The following LRBA variants were observed in gnomAD, a reference collection of about 807,000 sequenced individuals.
The protein encoded by LRBA is LPS responsive beige-like anchor protein.
LRBA carries 176 observed loss-of-function variants against 330.0 expected under a neutral mutation model. The ratio of observed to expected loss-of-function variants is 0.53; its 90% CI spans 0.47 to 0.60. The LOEUF (loss-of-function observed/expected upper bound fraction) is 0.60, where lower values mean the gene tolerates loss of function less well. Ranked by LOEUF, LRBA falls within the 20% of genes least tolerant of loss-of-function variation. LRBA has a pLI of 0.00. For missense variants in LRBA, 3,259 were observed against 3,444.8 expected (o/e 0.95, Z 1.35); for synonymous variants, 1,230 against 1,193.0 (o/e 1.03, Z -0.64).
At chr4:150,707,113 A>G (rs1358015711) in intron 36 of LRBA, among the ~76,000 whole-genome samples, 1 of 151,764 alleles carries the variant, frequency 6.6e-6, no homozygotes, top group African/African-American at 2.4e-5. Flanking sequence ...ATATGCATAA[A>G]GAAACCCTGA....
rs373910038 is a variant in LRBA at position 150,767,756 on chromosome 4, CAAAAAAAA to C, written c.5581-5917_5581-5910del. On this transcript the variant is annotated intron_variant, in intron 34 of 56. Transcript: ENST00000651943. The stretch of plus-strand genomic sequence containing the variant: ...CTGGGCAACAGAGCGAGACTTGTTG[CAAAAAAAA>C]AAAAAAAAAAAAAATTTGGCCAGGC... Among the ~76,000 whole-genome samples, 7 of 118,804 alleles carry C rather than the reference CAAAAAAAA, an allele frequency of 5.9e-5. No homozygotes were observed. The South Asian group carries it at 1.2e-3, about 20-fold the overall frequency. 77.9% of individuals were successfully genotyped at this position (118,804 alleles called of 152,430 possible).
At chr4:150,745,300 T>C (rs1009657234) in intron 35 of LRBA, among the ~76,000 whole-genome samples, 3 of 152,088 alleles carry the variant, frequency 2.0e-5, no homozygotes, top group African/African-American at 7.2e-5. Flanking sequence ...TGTTATAAAA[T>C]AAGCAATACA....
intron 50 of LRBA, among the ~76,000 whole-genome samples, chr4:150,320,418 T>C (rs992004345): frequency 2.0e-5 from 2 of 101,754 alleles, no homozygotes; most frequent in African/African-American, 6.0e-5. Context: ...AATTTAAGTG[T>C]TCTTTTTTTT....
chr4:150,837,040 A>G (rs1748214668), intron 28 of LRBA, among the ~76,000 whole-genome samples: 2 of 152,038 alleles, frequency 1.3e-5, no homozygotes, highest in Non-Finnish European at 1.5e-5. Context: ...TTCTGCCTTC[A>G]TTTTGTTATG....
chr4:150,914,376 AC>A, intron 8 of LRBA, 35 bp from the exon 9 acceptor site: 1 of 1,428,072 alleles, frequency 7.0e-7, no homozygotes, highest in African/African-American at 1.4e-5. Flanking sequence ...TTAGGAAAAA[AC>A]AAAAAAAAAC....
At chr4:150,848,328 C>T (rs182831872) in intron 26 of LRBA, among the ~76,000 whole-genome samples, 14 of 152,154 alleles carry the variant, frequency 9.2e-5, no homozygotes, top group Admixed American at 9.2e-4. Flanking sequence ...CCTATATAAT[C>T]TAATCTGCAT....
chr4:150,505,828 C>T lies in LRBA; in HGVS notation c.6331-14793G>A, dbSNP rs565493235. On this transcript the variant is annotated intron_variant, in intron 40 of 56. Transcript: ENST00000651943. ...GAAAAGATCAACAAAATTATTAGAC[C>T]ACTAGCAAGAATAACAAGAAAAGAG... 5.3e-5 allele frequency among the ~76,000 whole-genome samples: 8 copies of T among 151,954 alleles called. No individual in the cohort carries two copies. In the East Asian group the frequency reaches 7.7e-4, roughly 15 times the overall value.
intron 36 of LRBA, among the ~76,000 whole-genome samples, chr4:150,710,720 T>G (rs374938956): frequency 6.6e-6 from 1 of 152,082 alleles, no homozygotes; most frequent in Non-Finnish European, 1.5e-5. Flanking sequence ...GTGAATTACT[T>G]TGACCCTAAA....
At chr4:150,718,162 T>G (rs976492297) in intron 36 of LRBA, among the ~76,000 whole-genome samples, 2 of 152,116 alleles carry the variant, frequency 1.3e-5, no homozygotes, top group African/African-American at 2.4e-5. Context: ...AATGATGTCA[T>G]GACATTCATG....
At chr4:150,984,809 G>A (rs115544157) in intron 2 of LRBA, among the ~76,000 whole-genome samples, 65 of 152,050 alleles carry the variant, frequency 4.3e-4, no homozygotes, top group African/African-American at 1.4e-3. Flanking sequence ...GAAAGGCTGA[G>A]GTAGCAAAGG....
At chr4:150,508,519 C>A (rs1387898995) in intron 40 of LRBA, among the ~76,000 whole-genome samples, 3 of 152,112 alleles carry the variant, frequency 2.0e-5, no homozygotes, top group Non-Finnish European at 2.9e-5. Flanking sequence ...GAACTCCTGA[C>A]CTCAAATGAT....
chr4:150,583,375 T>C lies in LRBA; in HGVS notation c.6330+4673A>G. On this transcript the variant is annotated intron_variant, in intron 40 of 56. Coordinates refer to ENST00000651943, the MANE Select transcript of LRBA (RefSeq NM_001364905.1). The surrounding 1 kb of genome is among the most constrained non-coding windows in gnomAD (Gnocchi z 9.8). ...GCGGAGCATGTCTCTCTGGGTCGAG[T>C]TCATCACGGCGTCGGGCTATCTCTC... 2 of 1,613,980 alleles carry C rather than the reference T, an allele frequency of 1.2e-6. No individual in the cohort carries two copies. The highest frequency in any genetic ancestry group is 1.7e-6 in the Non-Finnish European group (2 of 1,179,996).
Position 150,638,904 on chromosome 4 carries a change from G to A in LRBA, c.5922-39773C>T, listed in dbSNP as rs375593268. Among the ~76,000 whole-genome samples the A allele has an allele frequency of 2.5e-4, 25 of 101,676 alleles. No individual in the cohort carries two copies. In the East Asian group the frequency reaches 5.0e-3, roughly 20 times the overall value. The allele number at this position is 101,676 out of a possible 152,430, so 66.7% of individuals were successfully genotyped here. On this transcript the variant is annotated intron_variant, in intron 37 of 56. Transcript: ENST00000651943. ...TGCTGCTATAAAGACACATGCACAC[G>A]TATGTTTATTGCGGCATTATTCACA...
At chr4:150,403,859 G>A (rs775482124) in intron 47 of LRBA, among the ~76,000 whole-genome samples, 6 of 151,728 alleles carry the variant, frequency 4.0e-5, no homozygotes, top group African/African-American at 4.8e-5. Context: ...GGTGAAACCC[G>A]GTCTCTACTA....
chr4:150,485,904 A>G (rs1757817473), intron 42 of LRBA, among the ~76,000 whole-genome samples: 1 of 151,922 alleles, frequency 6.6e-6, no homozygotes, highest in Non-Finnish European at 1.5e-5. Flanking sequence ...TTATATTTAA[A>G]TGGGGCTTCT....
intron 2 of LRBA, among the ~76,000 whole-genome samples, chr4:150,997,313 GA>G (rs1410892134): frequency 6.6e-6 from 1 of 152,156 alleles, no homozygotes; most frequent in African/African-American, 2.4e-5. Context: ...AATGACTCCT[GA>G]AATTTTTATG....
At chr4:150,923,116 C>T (rs1733489983) in intron 4 of LRBA, among the ~76,000 whole-genome samples, 1 of 150,896 alleles carries the variant, frequency 6.6e-6, no homozygotes, top group African/African-American at 2.4e-5. Flanking sequence ...ATGGGTTTAG[C>T]CGGAGGTAGC....
intron 34 of LRBA, among the ~76,000 whole-genome samples, chr4:150,774,892 G>C (rs769073099): frequency 6.6e-6 from 1 of 152,072 alleles, no homozygotes; most frequent in African/African-American, 2.4e-5. Flanking sequence ...ACTTTTCTGC[G>C]TATACAGGTA....
At chr4:150,888,103 A>C (rs1277720032) in intron 17 of LRBA, among the ~76,000 whole-genome samples, 1 of 152,178 alleles carries the variant, frequency 6.6e-6, no homozygotes, top group African/African-American at 2.4e-5. Context: ...GACACCAGCC[A>C]ACAGAAGAAA....
Sources: gnomAD v4.1 joint callset for allele counts (sites outside exome capture counted in the v4.1 genomes callset) on GRCh38, gnomAD v4.1.1 for gene constraint, Gnocchi (gnomAD v3.1) non-coding constraint, MANE v1.5 for transcripts, NCBI Gene and HGNC (gene_info 2026-07-23, HGNC 2026-07-21) for gene names.